ABLIM1: variants seen among roughly 807,000 people sequenced by gnomAD.
ABLIM1 encodes actin binding LIM protein 1.
ABLIM1 carries 40 observed loss-of-function variants against 107.0 expected under a neutral mutation model. The ratio of observed to expected loss-of-function variants is 0.37; its 90% CI spans 0.29 to 0.49. ABLIM1 has a LOEUF of 0.49. Among genes scored for constraint, ABLIM1 ranks in the 20% least tolerant of loss-of-function variants. The probability of loss-of-function intolerance (pLI) is 0.97; values close to 1 mark genes in which losing one functional copy is unlikely to be tolerated. For synonymous variants in ABLIM1, 357 were observed against 357.3 expected, an observed-to-expected ratio of 1.00 and a Z score of 0.01; for missense variants, 857 against 1,008.5, an observed-to-expected ratio of 0.85 and a Z score of 2.04.
chr10:114,491,839 TGC>T lies in ABLIM1; in HGVS notation c.932_933del (p.Cys311Ter). 10 of 1,612,750 alleles carry T rather than the reference TGC, an allele frequency of 6.2e-6. No individual in the cohort carries two copies. Among genetic ancestry groups the T allele is most frequent in the Non-Finnish European group, 8.5e-6 (10 of 1,178,862 alleles). ...DKHYHPSCAR[C>X]SRCNQMFTEG... is the part of the protein sequence containing the mutation. ...TCTGTGAACATCTGGTTGCATCTGC[TGC>T]ATCGTGCACAGCTGGGGTGGTAATG... is the stretch of plus-strand genomic sequence containing the variant. On this transcript the variant is annotated frameshift_variant, in exon 7 of 23. Coordinates refer to ENST00000533213, the MANE Select transcript of ABLIM1 (RefSeq NM_002313.7). LOFTEE classifies it high-confidence loss of function.
At chr10:114,779,047 C>T in the ABLIM1 span, 2 of 152,098 alleles carry the variant, frequency 1.3e-5, no homozygotes, top group African/African-American at 4.8e-5. Context: ...ATCTTCAGGG[C>T]TGTTTGACAT....
At chr10:114,564,071 C>T (rs1216349556) in intron 4 of ABLIM1, among the ~76,000 whole-genome samples, 1 of 151,086 alleles carries the variant, frequency 6.6e-6, no homozygotes, top group Non-Finnish European at 1.5e-5. Flanking sequence ...GCATATGACT[C>T]TCTCTACCTT....
chr10:114,682,678 T>G (rs926865711), intron 1 of ABLIM1, among the ~76,000 whole-genome samples: 5 of 152,166 alleles, frequency 3.3e-5, no homozygotes, highest in Admixed American at 1.3e-4. Context: ...AGATACGGTT[T>G]CTGTAGATTC....
chr10:114,542,062 GTC>G (rs1194282831), intron 6 of ABLIM1, among the ~76,000 whole-genome samples: 1 of 152,100 alleles, frequency 6.6e-6, no homozygotes, highest in Non-Finnish European at 1.5e-5. Flanking sequence ...GTATTTTCTC[GTC>G]TCTCTTTGTA....
intron 1 of ABLIM1, among the ~76,000 whole-genome samples, chr10:114,762,785 C>T (rs1185353678): frequency 6.6e-6 from 1 of 151,888 alleles, no homozygotes; most frequent in Non-Finnish European, 1.5e-5. Flanking sequence ...TATTCTAAAA[C>T]ACACTCTTTT....
chr10:114,746,467 G>A lies in ABLIM1; in HGVS notation c.-213+21594C>T, dbSNP rs117553336. Among the ~76,000 whole-genome samples the A allele has an allele frequency of 8.5e-4, 130 of 152,210 alleles. 1 individual carries two copies. The highest frequency in any genetic ancestry group is 1.9e-3 in the Admixed American group (29 of 15,284). On this transcript the variant is annotated intron_variant, in intron 1 of 15. Coordinates refer to the ABLIM1 transcript ENST00000651092. ...GTATTCTATTATGTACGTATACCAC[G>A]TCTTTATTCATCCATCCCTTGATGA...
intron 4 of ABLIM1, among the ~76,000 whole-genome samples, chr10:114,553,685 A>C (rs2483534): frequency 0.37 from 56,388 of 152,164 alleles, 13,781 homozygotes; most frequent in African/African-American, 0.7. Context: ...CAGGCCCTAC[A>C]GCTGCTGTGC....
At chr10:114,612,903 A>G (rs923999301) in intron 1 of ABLIM1, among the ~76,000 whole-genome samples, 2 of 152,192 alleles carry the variant, frequency 1.3e-5, no homozygotes, top group African/African-American at 2.4e-5. Context: ...TACCACCATT[A>G]CCTTCTACTC....
Position 114,434,239 on chromosome 10 carries a change from C to T in ABLIM1, c.*2021G>A, listed in dbSNP as rs2059143890. 1 of 151,470 alleles carries T rather than the reference C, an allele frequency of 6.6e-6. No homozygotes were observed. The highest frequency in any genetic ancestry group is 1.5e-5 in the Non-Finnish European group (1 of 68,448). The allele number at this position is 151,470 out of a possible 1,614,324, so 9.4% of individuals were successfully genotyped here. ...AAGAGCTGGTCTCATCTGCTCATGG[C>T]CACCCTGTCAGAGCCATTTGCTAAA... is the stretch of plus-strand genomic sequence containing the variant. On this transcript the variant is annotated 3_prime_UTR_variant, in exon 23 of 23. Coordinates refer to ENST00000533213, the MANE Select transcript of ABLIM1 (RefSeq NM_002313.7).
Position 114,557,926 on chromosome 10 carries a change from C to T in ABLIM1, c.674-10150G>A, listed in dbSNP as rs528793329. Among the ~76,000 whole-genome samples, 23 of 151,504 alleles carry T rather than the reference C, an allele frequency of 1.5e-4. 2 individuals carry two copies. In the South Asian group the frequency reaches 4.6e-3, roughly 30 times the overall value. ...CCAGACCCCTCATTCATCATGATTG[C>T]TTCCTTACCCCCTCCTTAGTTCCTG... is the stretch of plus-strand genomic sequence containing the variant. On this transcript the variant is annotated intron_variant, in intron 4 of 22. Transcript: ENST00000533213.
At chr10:114,490,820 T>G (rs114652570) in intron 7 of ABLIM1, among the ~76,000 whole-genome samples, 3,848 of 150,930 alleles carry the variant, frequency 0.025, 135 homozygotes, top group African/African-American at 0.076. Flanking sequence ...TTATTTTTTT[T>G]GTCTTTTTTG....
intron 2 of ABLIM1, among the ~76,000 whole-genome samples, chr10:114,579,073 C>G (rs889100458): frequency 3.3e-5 from 5 of 152,208 alleles, no homozygotes; most frequent in African/African-American, 1.2e-4. Context: ...AGACGTGAGA[C>G]ACTGCTCCTG....
At chr10:114,658,701 C>T (rs935570920), upstream of ABLIM1, among the ~76,000 whole-genome samples, 5 of 152,118 alleles carry the variant, frequency 3.3e-5, no homozygotes, top group Non-Finnish European at 7.4e-5. Context: ...GATAAAGATC[C>T]TCAGCTTCAA....
At chr10:114,607,062 T>C (rs2076466175) in intron 1 of ABLIM1, among the ~76,000 whole-genome samples, 1 of 152,158 alleles carries the variant, frequency 6.6e-6, no homozygotes, top group South Asian at 2.1e-4. Flanking sequence ...CCTACGCCCT[T>C]GCACCCTTTT....
chr10:114,764,684 G>C (rs1017611315), intron 1 of ABLIM1: 1 of 152,170 alleles, frequency 6.6e-6, no homozygotes, highest in African/African-American at 2.4e-5. Context: ...AAACCAACCA[G>C]GGACATTTAA....
the ABLIM1 span, among the ~76,000 whole-genome samples, chr10:114,797,869 T>C: frequency 9.2e-5 from 14 of 152,206 alleles, no homozygotes; most frequent in Non-Finnish European, 1.8e-4. Flanking sequence ...TGTGACCTGG[T>C]ATTATGAAGT....
At chr10:114,534,111 T>G (rs544852286) in intron 6 of ABLIM1, among the ~76,000 whole-genome samples, 1 of 152,240 alleles carries the variant, frequency 6.6e-6, no homozygotes, top group East Asian at 1.9e-4. Flanking sequence ...CACCCTGGAA[T>G]CAATCATTTA....
intron 1 of ABLIM1, among the ~76,000 whole-genome samples, chr10:114,657,329 A>G (rs545185397): frequency 2.0e-5 from 3 of 152,254 alleles, no homozygotes; most frequent in Admixed American, 2.0e-4. Context: ...TAACAAAGGC[A>G]CCATGATAAC....
At chr10:114,798,564 C>CG in the ABLIM1 span, among the ~76,000 whole-genome samples, 33 of 149,198 alleles carry the variant, frequency 2.2e-4, 1 homozygote, top group East Asian at 1.2e-3. Flanking sequence ...AGACCCCCCC[C>CG]CCATGTCTAC....
Sources: gnomAD v4.1 joint callset for allele counts (sites outside exome capture counted in the v4.1 genomes callset) on GRCh38, gnomAD v4.1.1 for gene constraint, MANE v1.5 for transcripts, NCBI Gene and HGNC (gene_info 2026-07-23, HGNC 2026-07-21) for gene names.